Variants in SH3D21 observed in about 807,000 individuals in gnomAD.
The protein encoded by SH3D21 is SH3 domain-containing protein 21.
Under a neutral mutation model 82.1 loss-of-function variants are expected in SH3D21, and 83 were observed. The ratio of observed to expected loss-of-function variants is 1.01; its 90% CI spans 0.85 to 1.21. SH3D21 has a LOEUF of 1.21. Among genes scored for constraint, SH3D21 ranks in the 50% most tolerant of loss-of-function variants. The probability of loss-of-function intolerance (pLI) is 0.00; values close to 1 mark genes in which losing one functional copy is unlikely to be tolerated. For missense variants in SH3D21, 980 were observed against 962.1 expected (o/e 1.02, Z -0.25); for synonymous variants, 383 against 387.8 (o/e 0.99, Z 0.15).
At chr1:36,322,604 A>G, downstream of SH3D21, 1 of 1,555,264 alleles carries the variant, frequency 6.4e-7, no homozygotes, top group Non-Finnish European at 8.7e-7. Flanking sequence ...CCCGGCGCTG[A>G]GCCGGGCCCC....
At chr1:36,310,476 C>T (rs1037198336) in intron 10 of SH3D21, among the ~76,000 whole-genome samples, 2 of 151,832 alleles carry the variant, frequency 1.3e-5, no homozygotes, top group Admixed American at 6.6e-5. Context: ...ATTAGCCAGG[C>T]GTGGTAGGCA....
downstream of SH3D21, chr1:36,328,232 G>C: frequency 2.3e-6 from 1 of 430,608 alleles, no homozygotes; most frequent in Non-Finnish European, 4.7e-6. Flanking sequence ...GGACTTGTGA[G>C]TGCTGGCATA....
At chr1:36,311,167 C>T (rs1057363247) in intron 10 of SH3D21, among the ~76,000 whole-genome samples, 1 of 152,102 alleles carries the variant, frequency 6.6e-6, no homozygotes, top group Non-Finnish European at 1.5e-5. Flanking sequence ...CCTTGGCCTC[C>T]CAAAGTGCTA....
downstream of SH3D21, chr1:36,323,370 C>G (rs1646501668): frequency 4.9e-5 from 12 of 244,668 alleles, no homozygotes; most frequent in South Asian, 1.2e-3. Flanking sequence ...AGCCTCCACG[C>G]CCCAGGCGGG....
intron 9 of SH3D21, among the ~76,000 whole-genome samples, chr1:36,308,880 G>A (rs1452589428): frequency 6.6e-6 from 1 of 151,912 alleles, no homozygotes; most frequent in African/African-American, 2.4e-5. Flanking sequence ...CTACTCAGGA[G>A]GCGGAGGTTG....
intron 10 of SH3D21, among the ~76,000 whole-genome samples, chr1:36,313,096 G>A (rs1195884472): frequency 6.6e-6 from 1 of 152,066 alleles, no homozygotes; most frequent in African/African-American, 2.4e-5. Context: ...AGGCTGAGGC[G>A]GGTGGATCAT....
chr1:36,329,409 C>T (rs571644100), downstream of SH3D21, among the ~76,000 whole-genome samples: 9 of 135,584 alleles, frequency 6.6e-5, no homozygotes, highest in East Asian at 1.8e-3. Context: ...AGAATGCATA[C>T]ACTCTTTGTG....
chr1:36,323,162 GT>G, downstream of SH3D21: 1 of 1,088,368 alleles, frequency 9.2e-7, no homozygotes, highest in Admixed American at 3.0e-5. Flanking sequence ...GCGGGCCCAG[GT>G]TCCACCCTGG....
chr1:36,310,115 C>T (rs773177833), intron 10 of SH3D21, among the ~76,000 whole-genome samples: 3 of 151,998 alleles, frequency 2.0e-5, no homozygotes, highest in East Asian at 1.9e-4. Context: ...CCACCACGCT[C>T]AGCTAATTTT....
intron 10 of SH3D21, among the ~76,000 whole-genome samples, chr1:36,310,518 G>A (rs1315779451): frequency 1.3e-5 from 2 of 151,990 alleles, no homozygotes; most frequent in African/African-American, 4.8e-5. Flanking sequence ...GGGAGGCTGA[G>A]GCAGGAGAAT....
Position 36,320,697 on chromosome 1 carries a change from A to C in SH3D21, c.2034A>C (p.Gln678His). ...ETLALPSLVPQNYTENKNEGV... is the reference protein window; with the variant it reads ...ETLALPSLVPHNYTENKNEGV... ...TCGCGCTCCCCTCGCTGGTCCCGCAAAACTACACGGAAAACAAGAATGAAG... is the reference window on the plus strand; with the variant it reads ...TCGCGCTCCCCTCGCTGGTCCCGCACAACTACACGGAAAACAAGAATGAAG... Residue 678 changes from glutamine to histidine, a missense_variant, in exon 14 of 16, where the codon CAA becomes CAC. Physicochemically the swap from Gln to His is conservative, Grantham distance 24. Coordinates refer to ENST00000453908, the MANE Select transcript of SH3D21 (RefSeq NM_001162530.2). 1 of 1,614,174 alleles carries C rather than the reference A, an allele frequency of 6.2e-7. No homozygotes were observed. Among genetic ancestry groups the C allele is most frequent in the Non-Finnish European group, 8.5e-7 (1 of 1,180,018 alleles).
At chr1:36,318,934 T>G (rs1045919645) in intron 10 of SH3D21, 137 bp from the exon 11 acceptor site, 1 of 250,772 alleles carries the variant, frequency 4.0e-6, no homozygotes, top group African/African-American at 3.0e-5. Flanking sequence ...ATAATAATAA[T>G]AATAATACAA....
At chr1:36,314,674 T>C (rs1357737142) in intron 10 of SH3D21, among the ~76,000 whole-genome samples, 1 of 152,092 alleles carries the variant, frequency 6.6e-6, no homozygotes, top group African/African-American at 2.4e-5. Flanking sequence ...CCAGGTGGTC[T>C]TGAACTCCTG....
At chr1:36,323,088 G>T (rs370418089), downstream of SH3D21, 212 of 1,576,596 alleles carry the variant, frequency 1.3e-4, no homozygotes, top group Non-Finnish European at 1.7e-4. Flanking sequence ...AGCAAAGTCA[G>T]ATCCTTCTCC....
chr1:36,322,512 G>T (rs532193645), downstream of SH3D21: 5 of 1,601,466 alleles, frequency 3.1e-6, no homozygotes, highest in Non-Finnish European at 2.5e-6. Flanking sequence ...GCCCGGCAGC[G>T]TGTCGTCGGG....
intron 10 of SH3D21, among the ~76,000 whole-genome samples, chr1:36,311,153 C>T (rs1646231926): frequency 6.6e-6 from 1 of 152,204 alleles, no homozygotes; most frequent in Non-Finnish European, 1.5e-5. Flanking sequence ...AGGCAATCCG[C>T]TTGCCTTGGC....
intron 10 of SH3D21, among the ~76,000 whole-genome samples, chr1:36,313,967 A>ATTTTTTTTTTTTTTTTTTT (rs1207014644): frequency 4.3e-4 from 16 of 36,876 alleles, no homozygotes; most frequent in Non-Finnish European, 6.3e-4. Flanking sequence ...TGCTGAACAT[A>ATTTTTTTTTTTTTTTTTTT]TTTTCTTTTT....
Position 36,319,725 on chromosome 1 carries a change from CA to C in SH3D21, c.1063del (p.Met355CysfsTer38). 6.3e-7 allele frequency: 1 copy of C among 1,596,960 alleles called. No homozygotes were observed. Among genetic ancestry groups the C allele is most frequent in the South Asian group, 1.1e-5 (1 of 88,444 alleles). On this transcript the variant is annotated frameshift_variant, in exon 14 of 16. Coordinates refer to ENST00000453908, the MANE Select transcript of SH3D21 (RefSeq NM_001162530.2). LOFTEE classifies it high-confidence loss of function. ...AGGCCCCCTCTGTGAAGAGAACCCC[CA>C]TGCCGGACAAGACTGCCACCCCAGA... ...VKAPSVKRTP[M>X]PDKTATPERP...
At chr1:36,314,717 G>A (rs567925979) in intron 10 of SH3D21, among the ~76,000 whole-genome samples, 2 of 152,192 alleles carry the variant, frequency 1.3e-5, no homozygotes, top group South Asian at 4.1e-4. Flanking sequence ...GCCTCCCAAA[G>A]TTTTTCTCTC....
Sources: gnomAD v4.1 joint callset for allele counts (sites outside exome capture counted in the v4.1 genomes callset) on GRCh38, gnomAD v4.1.1 for gene constraint, MANE v1.5 for transcripts, NCBI Gene and HGNC (gene_info 2026-07-23, HGNC 2026-07-21) for gene names.